Variants in PHTF1 observed in about 807,000 individuals in gnomAD.
PHTF1 encodes the protein putative homeodomain transcription factor 1.
In PHTF1, 88 loss-of-function variants were observed where a neutral mutation model predicts 102.4. That is an observed-to-expected ratio of 0.86 (90% confidence interval 0.72 to 1.03). The LOEUF (loss-of-function observed/expected upper bound fraction) is 1.03, where lower values mean the gene tolerates loss of function less well. Among genes scored for constraint, PHTF1 ranks in the 50% least tolerant of loss-of-function variants. The pLI, the probability that PHTF1 is intolerant of heterozygous loss-of-function variation, is 0.00. For missense variants in PHTF1, 814 were observed against 909.5 expected, an observed-to-expected ratio of 0.89 and a Z score of 1.35; for synonymous variants, 289 against 305.2, an observed-to-expected ratio of 0.95 and a Z score of 0.55.
At chr1:113,706,857 T>C (rs953315466) in intron 11 of PHTF1, 135 bp from the exon 12 acceptor site, 42 of 492,850 alleles carry the variant, frequency 8.5e-5, no homozygotes, top group African/African-American at 5.8e-4. Flanking sequence ...CTTTCTTTTT[T>C]TTTTTTTTTT....
At position 113,706,712 on chromosome 1, in the gene PHTF1, A is replaced by G. The variant is rs755450225; in HGVS notation, c.1280T>C (p.Phe427Ser). The G allele has an allele frequency of 1.2e-6, 2 of 1,602,964 alleles. No individual in the cohort carries two copies. The highest frequency in any genetic ancestry group is 3.5e-5 in the Admixed American group (2 of 57,696). The change falls in exon 12 of 19, where the codon TTC becomes TCC. Residue 427 changes from phenylalanine to serine, a missense_variant. Physicochemically the swap from Phe to Ser is radical, Grantham distance 155. Coordinates refer to ENST00000369604, the MANE Select transcript of PHTF1 (RefSeq NM_001323043.2). Reference sequence around the variant, plus strand: ...GGAAGGACTTGAATTCTGAAGCCAGAATAAATGATTCTGAGAAGAAAAATA... The same window carrying G: ...GGAAGGACTTGAATTCTGAAGCCAGGATAAATGATTCTGAGAAGAAAAATA... ...KEDVFQQNHLFWLQNSSPSSD... is the reference protein window; with the variant it reads ...KEDVFQQNHLSWLQNSSPSSD...
At chr1:113,712,594 C>T (rs1651296704) in intron 8 of PHTF1, among the ~76,000 whole-genome samples, 1 of 152,122 alleles carries the variant, frequency 6.6e-6, no homozygotes, top group African/African-American at 2.4e-5. Flanking sequence ...AATAAGAAAA[C>T]AGTTTAAGAC....
At position 113,738,715 on chromosome 1, in the gene PHTF1, A is replaced by G; in HGVS notation, c.172+15T>C. ...TAATATAATAATGTACATAAAAAAC[A>G]ATTTTAAGACTAACCTCTGATTAAG... On this transcript the variant is annotated intron_variant, in intron 4 of 18. Transcript: ENST00000369604. 4 of 1,509,924 alleles carry G rather than the reference A, an allele frequency of 2.6e-6. No individual in the cohort carries two copies. The highest frequency in any genetic ancestry group is 3.6e-6 in the Non-Finnish European group (4 of 1,105,522). 93.5% of individuals were successfully genotyped at this position (1,509,924 alleles called of 1,614,324 possible).
intron 5 of PHTF1, among the ~76,000 whole-genome samples, chr1:113,734,670 C>T (rs948155111): frequency 5.3e-5 from 8 of 152,296 alleles, no homozygotes; most frequent in Middle Eastern, 3.4e-3. Flanking sequence ...AAAAAGGAAG[C>T]ATAACTTAAA....
At chr1:113,747,116 A>G (rs1657364794) in intron 3 of PHTF1, among the ~76,000 whole-genome samples, 1 of 152,234 alleles carries the variant, frequency 6.6e-6, no homozygotes, top group Non-Finnish European at 1.5e-5. Flanking sequence ...CACACTATTA[A>G]TGATTACAGC....
chr1:113,711,468 T>C (rs563295404), intron 10 of PHTF1, among the ~76,000 whole-genome samples: 1 of 152,312 alleles, frequency 6.6e-6, no homozygotes, highest in South Asian at 2.1e-4. Flanking sequence ...AAACTTCATA[T>C]GCCAAGTGAA....
In PHTF1 at chr1:113,706,084, A is replaced by G; in HGVS notation, c.1477T>C (p.Leu493=). 6.2e-7 allele frequency: 1 copy of G among 1,614,148 alleles called. No individual in the cohort carries two copies. Among genetic ancestry groups the G allele is most frequent in the Non-Finnish European group, 8.5e-7 (1 of 1,179,984 alleles). The change falls in exon 13 of 19, where the codon TTA becomes CTA. Residue 493 remains leucine (L), a synonymous_variant. Transcript: ENST00000369604. ...VTIGLAFFPF[L]HRLFREKSLD... is the part of the protein sequence containing the mutation. Reference sequence around the variant, plus strand: ...CTCTTCTCACGGAAAAGTCGATGTAAGAATGGAAAAAATGCTAATCCAATA... The same window carrying G: ...CTCTTCTCACGGAAAAGTCGATGTAGGAATGGAAAAAATGCTAATCCAATA...
In PHTF1 at chr1:113,697,555, C is replaced by T. The variant is rs1417052032; in HGVS notation, c.*150G>A. The T allele has an allele frequency of 2.3e-5, 14 of 596,866 alleles. No homozygotes were observed. In the Admixed American group the frequency reaches 4.0e-4, roughly 17 times the overall value. The allele number at this position is 596,866 out of a possible 1,614,324, so 37.0% of individuals were successfully genotyped here. ...CCAGTTGGAAAAGGACTTGCTCCTC[C>T]GGAAACACCATTCATTCGCTTTGGC... is the stretch of plus-strand genomic sequence containing the variant. On this transcript the variant is annotated 3_prime_UTR_variant, in exon 19 of 19. Coordinates refer to ENST00000369604, the MANE Select transcript of PHTF1 (RefSeq NM_001323043.2).
chr1:113,704,274 T>G (rs1298131604), intron 14 of PHTF1, 107 bp from the exon 15 acceptor site: 3 of 594,644 alleles, frequency 5.0e-6, no homozygotes, highest in Non-Finnish European at 5.8e-6. Context: ...AAATAATGTT[T>G]ATAAGAAGTT....
At chr1:113,711,700 T>C in intron 10 of PHTF1, 46 bp downstream of exon 10, 1 of 1,425,176 alleles carries the variant, frequency 7.0e-7, no homozygotes. Context: ...TGGATAAAGT[T>C]ATTACCCTCA....
In PHTF1 at chr1:113,712,095, C is replaced by A. The variant is rs1238221013; in HGVS notation, c.802G>T (p.Gly268Cys). 1 of 1,613,948 alleles carries A rather than the reference C, an allele frequency of 6.2e-7. No individual in the cohort carries two copies. The highest frequency in any genetic ancestry group is 8.5e-7 in the Non-Finnish European group (1 of 1,179,944). Residue 268 changes from glycine (G) to cysteine (C), a missense_variant, in exon 9 of 19, where the codon GGT becomes TGT. Physicochemically the swap from Gly to Cys is radical, Grantham distance 159. Coordinates refer to ENST00000369604, the MANE Select transcript of PHTF1 (RefSeq NM_001323043.2). Reference sequence around the variant, plus strand: ...GACAGGTCATCAGACACCCCATTACCCAAACGCCTAAAAGCCTCCTACAAA... The same window carrying A: ...GACAGGTCATCAGACACCCCATTACACAAACGCCTAAAAGCCTCCTACAAA... ...KCRREAFRRL[G>C]NGVSDDLSSE...
chr1:113,730,651 T>G (rs545670762), intron 5 of PHTF1, among the ~76,000 whole-genome samples: 1 of 152,222 alleles, frequency 6.6e-6, no homozygotes, highest in African/African-American at 2.4e-5. Flanking sequence ...TATAAACCAA[T>G]AGCTTTCAAA....
chr1:113,722,495 G>A (rs2101379067), intron 7 of PHTF1, among the ~76,000 whole-genome samples: 1 of 152,222 alleles, frequency 6.6e-6, no homozygotes, highest in South Asian at 2.1e-4. Context: ...CATAGTTTAT[G>A]AACTGGAAGA....
chr1:113,721,621 C>T (rs1157348977), intron 7 of PHTF1, among the ~76,000 whole-genome samples: 1 of 152,162 alleles, frequency 6.6e-6, no homozygotes, highest in African/African-American at 2.4e-5. Context: ...ACAGATTCCA[C>T]CAAAAAACTA....
chr1:113,705,970 T>C lies in PHTF1; in HGVS notation c.1591A>G (p.Ile531Val). 6.2e-7 allele frequency: 1 copy of C among 1,613,958 alleles called. No homozygotes were observed. Among genetic ancestry groups the C allele is most frequent in the Non-Finnish European group, 8.5e-7 (1 of 1,179,876 alleles). Residue 531 changes from isoleucine to valine, a missense_variant, in exon 13 of 19, where the codon ATA becomes GTA. Transcript: ENST00000369604. Reference sequence around the variant, plus strand: ...CACAATCTTTCAAAAAAATTAATTATCGACAAAACAATAATAGGTGTAACA... The same window carrying C: ...CACAATCTTTCAAAAAAATTAATTACCGACAAAACAATAATAGGTGTAACA... ...PPVTPIIVLSIINFFERLCLT... is the reference protein window; with the variant it reads ...PPVTPIIVLSVINFFERLCLT...
chr1:113,742,489 T>G (rs1656538602), intron 3 of PHTF1, among the ~76,000 whole-genome samples: 1 of 151,954 alleles, frequency 6.6e-6, no homozygotes, highest in African/African-American at 2.4e-5. Context: ...CCAGGCGTGG[T>G]GGTGGGCACC....
rs766015256 is a variant in PHTF1 at position 113,698,618 on chromosome 1, T to TAC, written c.2143-232_2143-231insGT. ...TGTCATTTGTAGTTTTATATATATA[T>TAC]ATACACACACACACACACACACACA... On this transcript the variant is annotated intron_variant, in intron 17 of 18. Transcript: ENST00000369604. 1.6e-3 allele frequency among the ~76,000 whole-genome samples: 190 copies of TAC among 115,828 alleles called. 1 individual carries two copies. Among genetic ancestry groups the TAC allele is most frequent in the African/African-American group, 4.5e-3 (155 of 34,592 alleles). 76.0% of individuals were successfully genotyped at this position (115,828 alleles called of 152,430 possible).
At chr1:113,758,607 CT>C in intron 2 of PHTF1, 51 bp downstream of exon 2, 1 of 1,100,532 alleles carries the variant, frequency 9.1e-7, no homozygotes, top group Non-Finnish European at 1.3e-6. Context: ...TTTGTGGGAG[CT>C]TTTTGCAGGA....
At chr1:113,720,390 T>C (rs1400038815) in intron 7 of PHTF1, among the ~76,000 whole-genome samples, 5 of 151,994 alleles carry the variant, frequency 3.3e-5, no homozygotes, top group Non-Finnish European at 7.4e-5. Flanking sequence ...ATCATCCAAA[T>C]AGAAAAACCA....
Sources: allele counts gnomAD v4.1 joint callset (sites outside exome capture counted in the v4.1 genomes callset), GRCh38; gene constraint gnomAD v4.1.1; transcripts MANE v1.5; gene names NCBI Gene and HGNC (gene_info 2026-07-23, HGNC 2026-07-21).